The following ST6GALNAC5 variants were observed in gnomAD, a reference collection of about 807,000 sequenced individuals.
ST6GALNAC5 encodes the protein ST6 N-acetylgalactosaminide alpha-2,6-sialyltransferase 5, also known as alpha-N-acetylgalactosaminide alpha-2,6-sialyltransferase 5.
In ST6GALNAC5, 27 loss-of-function variants were observed where a neutral mutation model predicts 33.6. The observed-to-expected ratio is 0.80, with a 90% CI of 0.59 to 1.11. The LOEUF is 1.11. Ranked by LOEUF, ST6GALNAC5 falls within the 50% of genes least tolerant of loss-of-function variation. The probability of loss-of-function intolerance (pLI) is 0.00; values close to 1 mark genes in which losing one functional copy is unlikely to be tolerated. For synonymous variants in ST6GALNAC5, 194 were observed against 171.2 expected (o/e 1.13, Z -1.04); for missense variants, 428 against 454.0 (o/e 0.94, Z 0.52).
chr1:76,949,253 G>A (rs148331959), intron 2 of ST6GALNAC5, among the ~76,000 whole-genome samples: 163 of 152,200 alleles, frequency 1.1e-3, no homozygotes, highest in Middle Eastern at 0.01. Context: ...CTGGGAATTC[G>A]TTTCTTCCCG....
chr1:76,912,572 G>C (rs1646925573), intron 2 of ST6GALNAC5, among the ~76,000 whole-genome samples: 1 of 151,596 alleles, frequency 6.6e-6, no homozygotes, highest in Admixed American at 6.6e-5. Flanking sequence ...TCTCTTTGTA[G>C]GTCACTCAGG....
At chr1:76,938,436 G>A (rs1647245676) in intron 2 of ST6GALNAC5, among the ~76,000 whole-genome samples, 1 of 152,012 alleles carries the variant, frequency 6.6e-6, no homozygotes, top group Non-Finnish European at 1.5e-5. Context: ...GGAGGAAAAG[G>A]GAAATGATTG....
At chr1:77,033,774 A>G (rs1016995872) in intron 2 of ST6GALNAC5, among the ~76,000 whole-genome samples, 2 of 152,178 alleles carry the variant, frequency 1.3e-5, no homozygotes, top group Non-Finnish European at 2.9e-5. Context: ...AACAGAAAGG[A>G]GAGGGAAATC....
At chr1:77,031,252 G>A (rs1395885327) in intron 2 of ST6GALNAC5, among the ~76,000 whole-genome samples, 1 of 152,206 alleles carries the variant, frequency 6.6e-6, no homozygotes, top group African/African-American at 2.4e-5. Flanking sequence ...TGGCTGCCTA[G>A]CTGGTAGCTC....
chr1:76,912,698 T>C (rs1017776742), intron 2 of ST6GALNAC5, among the ~76,000 whole-genome samples: 25 of 151,432 alleles, frequency 1.7e-4, no homozygotes, highest in Non-Finnish European at 3.1e-4. Flanking sequence ...TTGTCTCTTT[T>C]GATCTTTGTT....
At chr1:76,930,674 T>C (rs1647131262) in intron 2 of ST6GALNAC5, among the ~76,000 whole-genome samples, 1 of 152,164 alleles carries the variant, frequency 6.6e-6, no homozygotes, top group African/African-American at 2.4e-5. Flanking sequence ...TTTATGTAGG[T>C]ACCTTGAAAT....
chr1:76,867,844 C>T (rs1653378490), intron 1 of ST6GALNAC5, among the ~76,000 whole-genome samples, 154 bp downstream of exon 1: 1 of 152,138 alleles, frequency 6.6e-6, no homozygotes, highest in African/African-American at 2.4e-5. Context: ...GCGTTCCCTC[C>T]CGATTCTCCA....
rs147331976 is a variant in ST6GALNAC5, at chr1:76,951,239, C to A, written c.261+82497C>A. Among the ~76,000 whole-genome samples the A allele has an allele frequency of 9.9e-5, 15 of 152,240 alleles. 1 individual carries two copies. The East Asian group carries it at 2.7e-3, about 28-fold the overall frequency. Reference sequence around the variant, plus strand: ...TAAAAGCCAGATGCAACAGAGTTAACCTCCATCACCACTTTAAAGAGGAGC... The same window carrying A: ...TAAAAGCCAGATGCAACAGAGTTAAACTCCATCACCACTTTAAAGAGGAGC... On this transcript the variant is annotated intron_variant, in intron 2 of 4. Coordinates refer to ENST00000477717, the MANE Select transcript of ST6GALNAC5 (RefSeq NM_030965.3).
chr1:77,002,040 G>C (rs1018546519), intron 2 of ST6GALNAC5, among the ~76,000 whole-genome samples: 5 of 152,060 alleles, frequency 3.3e-5, no homozygotes, highest in African/African-American at 1.2e-4. Context: ...TTTTTCTATT[G>C]ATTGGAATAG....
intron 2 of ST6GALNAC5, among the ~76,000 whole-genome samples, chr1:76,919,088 C>T (rs2100294180): frequency 6.6e-6 from 1 of 152,212 alleles, no homozygotes. Context: ...TGGATAACTG[C>T]CTCTGATTTT....
intron 2 of ST6GALNAC5, among the ~76,000 whole-genome samples, chr1:77,024,689 C>T (rs1651169990): frequency 6.6e-5 from 10 of 152,154 alleles, no homozygotes; most frequent in Admixed American, 6.5e-4. Flanking sequence ...CCCAGAAGCT[C>T]CCTGCAGAGA....
chr1:77,035,914 G>GA (rs1216777519), intron 2 of ST6GALNAC5, among the ~76,000 whole-genome samples: 5 of 151,564 alleles, frequency 3.3e-5, no homozygotes, highest in Admixed American at 6.6e-5. Flanking sequence ...TTCCATTCAA[G>GA]AAAAAAAATG....
chr1:76,895,152 G>A lies in ST6GALNAC5; in HGVS notation c.261+26410G>A, dbSNP rs537785206. On this transcript the variant is annotated intron_variant, in intron 2 of 4. Coordinates refer to ENST00000477717, the MANE Select transcript of ST6GALNAC5 (RefSeq NM_030965.3). ...AATGTCATCAGTTAAGGCAGGAACC[G>A]GCCATCTGGATGTGTACGTGCAGGT... Among the ~76,000 whole-genome samples, 56 of 152,246 alleles carry A rather than the reference G, an allele frequency of 3.7e-4. No individual in the cohort carries two copies. The South Asian group carries it at 0.011, about 30-fold the overall frequency.
In ST6GALNAC5 at chr1:77,055,664, T is replaced by C. The variant is rs187495986; in HGVS notation, c.779+5299T>C. On this transcript the variant is annotated intron_variant, in intron 4 of 4. Transcript: ENST00000477717. ...TGTTTCAGATACAGTGGCCCTTCTTTCTCAGCTCTCCTTAGCCCCCTGTCT... is the reference window on the plus strand; with the variant it reads ...TGTTTCAGATACAGTGGCCCTTCTTCCTCAGCTCTCCTTAGCCCCCTGTCT... Among the ~76,000 whole-genome samples the C allele has an allele frequency of 4.6e-3, 690 of 151,634 alleles. 2 individuals carry two copies. The highest frequency in any genetic ancestry group is 5.8e-3 in the Non-Finnish European group (390 of 67,630).
At chr1:76,948,048 C>G (rs1214065593) in intron 2 of ST6GALNAC5, among the ~76,000 whole-genome samples, 1 of 152,102 alleles carries the variant, frequency 6.6e-6, no homozygotes, top group Non-Finnish European at 1.5e-5. Flanking sequence ...AATTGTTTAA[C>G]ACACTAAGTT....
At chr1:76,914,421 C>G (rs1051305636) in intron 2 of ST6GALNAC5, among the ~76,000 whole-genome samples, 6 of 152,162 alleles carry the variant, frequency 3.9e-5, no homozygotes, top group Non-Finnish European at 5.9e-5. Flanking sequence ...GGAGGCATCA[C>G]GCTACCTGAC....
At chr1:76,943,897 ATGT>A (rs1393133280) in intron 2 of ST6GALNAC5, among the ~76,000 whole-genome samples, 1 of 152,170 alleles carries the variant, frequency 6.6e-6, no homozygotes, top group Non-Finnish European at 1.5e-5. Context: ...CACATTTCAA[ATGT>A]TGTTGGATTT....
intron 2 of ST6GALNAC5, among the ~76,000 whole-genome samples, chr1:76,953,206 G>T (rs1343561399): frequency 6.6e-6 from 1 of 152,034 alleles, no homozygotes; most frequent in Non-Finnish European, 1.5e-5. Flanking sequence ...TGGGATAAGT[G>T]CCTAAAACTG....
chr1:76,955,146 CAAAACTT>C (rs947503641), intron 2 of ST6GALNAC5, among the ~76,000 whole-genome samples: 1 of 152,054 alleles, frequency 6.6e-6, no homozygotes, highest in Non-Finnish European at 1.5e-5. Context: ...CAGACAAACC[CAAAACTT>C]AGCACTTTTC....
Sources: allele counts gnomAD v4.1 joint callset (sites outside exome capture counted in the v4.1 genomes callset), GRCh38; gene constraint gnomAD v4.1.1; transcripts MANE v1.5; gene names NCBI Gene and HGNC (gene_info 2026-07-23, HGNC 2026-07-21).